Variants in DTNB observed in about 807,000 individuals in gnomAD.
DTNB encodes DTN-B.
In DTNB, 63 loss-of-function variants were observed where a neutral mutation model predicts 90.7. That is an observed-to-expected ratio of 0.69 (90% CI 0.57 to 0.86). The LOEUF (loss-of-function observed/expected upper bound fraction) is 0.86. Among genes scored for constraint, DTNB ranks in the 40% least tolerant of loss-of-function variants. The pLI is 0.00. For missense variants in DTNB, 744 were observed against 807.1 expected, an observed-to-expected ratio of 0.92 and a Z score of 0.95; for synonymous variants, 277 against 286.7, an observed-to-expected ratio of 0.97 and a Z score of 0.34.
At chr2:25,496,709 G>C (rs2068935381) in intron 9 of DTNB, among the ~76,000 whole-genome samples, 1 of 152,138 alleles carries the variant, frequency 6.6e-6, no homozygotes, top group African/African-American at 2.4e-5. Context: ...CAGGCATGGT[G>C]GTGGGTGCCT....
intron 9 of DTNB, 113 bp from the exon 10 acceptor site, chr2:25,482,986 A>G: frequency 9.5e-7 from 1 of 1,049,912 alleles, no homozygotes; most frequent in Non-Finnish European, 1.3e-6. Flanking sequence ...CGGTAAGCAC[A>G]GACGGACCCA....
rs11395783 is a variant in DTNB, at chr2:25,408,538, C to CAAAAA, written c.1575+10972_1575+10976dup. ...TGGACACCAGAGTGAGACTCCATCT[C>CAAAAA]AAAAAAAAAAAAAAAAAAAAAAAAA... is the stretch of plus-strand genomic sequence containing the variant. On this transcript the variant is annotated intron_variant, in intron 16 of 20. Coordinates refer to ENST00000406818, the MANE Select transcript of DTNB (RefSeq NM_021907.5). 5.2e-4 allele frequency among the ~76,000 whole-genome samples: 17 copies of CAAAAA among 32,702 alleles called. 1 individual carries two copies. The highest frequency in any genetic ancestry group is 8.0e-4 in the East Asian group (1 of 1,246). 21.5% of individuals were successfully genotyped at this position (32,702 alleles called of 152,430 possible). A position where few individuals can be genotyped will look rare whatever the true frequency, so the allele number is the denominator to read the frequency against.
chr2:25,638,866 G>A, intron 3 of DTNB, 148 bp downstream of exon 3: 1 of 720,674 alleles, frequency 1.4e-6, no homozygotes, highest in Non-Finnish European at 2.0e-6. Flanking sequence ...AAAATGACAA[G>A]TTCTTCCATT....
intron 1 of DTNB, among the ~76,000 whole-genome samples, chr2:25,671,573 A>T (rs2085919594): frequency 1.3e-5 from 2 of 152,210 alleles, no homozygotes; most frequent in African/African-American, 4.8e-5. Context: ...TAAGGCCCTG[A>T]GAGAGTAACA....
At chr2:25,563,960 CGT>C (rs2058634022) in intron 8 of DTNB, among the ~76,000 whole-genome samples, 4 of 151,954 alleles carry the variant, frequency 2.6e-5, no homozygotes, top group Non-Finnish European at 5.9e-5. Flanking sequence ...TGCAGTGGTG[CGT>C]GCGATCTCAG....
chr2:25,531,725 T>A (rs2078243836), intron 8 of DTNB, 128 bp from the exon 9 acceptor site: 2 of 1,281,540 alleles, frequency 1.6e-6, no homozygotes, highest in South Asian at 1.5e-5. Flanking sequence ...TTTCATTACA[T>A]CAATATCATT....
At position 25,419,335 on chromosome 2, in the gene DTNB, T is replaced by TAAAC; in HGVS notation, c.1575+176_1575+179dup. On this transcript the variant is annotated intron_variant, in intron 16 of 20. Coordinates refer to ENST00000406818, the MANE Select transcript of DTNB (RefSeq NM_021907.5). Reference sequence around the variant, plus strand: ...TTAAGTAAGAACATGCTCTACTGGGTAAACATGCCTTGAACTTTTAGGCCA... The same window carrying TAAAC: ...TTAAGTAAGAACATGCTCTACTGGGTAAACAAACATGCCTTGAACTTTTAGGCCA... 5.7e-6 allele frequency: 5 copies of TAAAC among 880,834 alleles called. No individual in the cohort carries two copies. The South Asian group carries it at 7.3e-5, about 13-fold the overall frequency. The allele number at this position is 880,834 out of a possible 1,614,324, so 54.6% of individuals were successfully genotyped here. A position where few individuals can be genotyped will look rare whatever the true frequency, so the allele number is the denominator to read the frequency against.
chr2:25,550,381 ACT>A (rs2083396205), intron 8 of DTNB, among the ~76,000 whole-genome samples: 2 of 152,172 alleles, frequency 1.3e-5, no homozygotes, highest in East Asian at 1.9e-4. Context: ...AAAGAGCGAG[ACT>A]CTGTCTCAAA....
chr2:25,600,502 T>C (rs2065648241), intron 5 of DTNB, among the ~76,000 whole-genome samples: 1 of 152,248 alleles, frequency 6.6e-6, no homozygotes, highest in Non-Finnish European at 1.5e-5. Context: ...GTACCAACTT[T>C]GAACTTCTCA....
chr2:25,577,536 T>C (rs2060880444), intron 7 of DTNB, among the ~76,000 whole-genome samples: 1 of 148,464 alleles, frequency 6.7e-6, no homozygotes, highest in Non-Finnish European at 1.5e-5. Flanking sequence ...ATTTAATACA[T>C]CAGAAAAAAA....
At chr2:25,672,749 C>T (rs1416531960) in intron 1 of DTNB, 1 of 152,308 alleles carries the variant, frequency 6.6e-6, no homozygotes, top group East Asian at 1.9e-4. Flanking sequence ...CATACTATTT[C>T]GTGGCCCCAG....
chr2:25,455,410 A>G lies in DTNB; in HGVS notation c.1164T>C (p.Cys388=), dbSNP rs774225663. The change falls in exon 11 of 21, where the codon TGT becomes TGC. Residue 388 remains cysteine (C), a synonymous_variant. Coordinates refer to ENST00000406818, the MANE Select transcript of DTNB (RefSeq NM_021907.5). ...IASYVARLQH[C]ARVLDSPSRL... ...GCTGCTGCACCACCACTGACCGTGCACAGTGCTGCAGACGGGCCACATAGG... is the reference window on the plus strand; with the variant it reads ...GCTGCTGCACCACCACTGACCGTGCGCAGTGCTGCAGACGGGCCACATAGG... The G allele has an allele frequency of 3.1e-6, 5 of 1,596,996 alleles. No homozygotes were observed. The highest frequency in any genetic ancestry group is 1.7e-4 in the Middle Eastern group (1 of 6,050).
At chr2:25,528,529 A>G (rs1461378237) in intron 9 of DTNB, among the ~76,000 whole-genome samples, 1 of 152,248 alleles carries the variant, frequency 6.6e-6, no homozygotes, top group Non-Finnish European at 1.5e-5. Flanking sequence ...TAGAAAATTC[A>G]AAAGAATCTG....
intron 1 of DTNB, among the ~76,000 whole-genome samples, chr2:25,658,960 T>G (rs2082608085): frequency 6.6e-6 from 1 of 152,160 alleles, no homozygotes; most frequent in Non-Finnish European, 1.5e-5. Flanking sequence ...CAGGGTCTCA[T>G]TATTGTTGTC....
rs1367020965 is a variant in DTNB at position 25,432,082 on chromosome 2, TCCTAGATGATAGCAAATTAAAAATCAA to T, written c.1457+777_1457+803del. Among the ~76,000 whole-genome samples the T allele has an allele frequency of 2.0e-5, 3 of 152,136 alleles. No homozygotes were observed. In the East Asian group the frequency reaches 5.8e-4, roughly 29 times the overall value. On this transcript the variant is annotated intron_variant, in intron 14 of 20. Transcript: ENST00000406818. Reference sequence around the variant, plus strand: ...AAAAGAAACAAGAGGCTACACAGAATCCTAGATGATAGCAAATTAAAAATCAACCTAAACAGAAAGAATCCACTATTT... The same window carrying T: ...AAAAGAAACAAGAGGCTACACAGAATCCTAAACAGAAAGAATCCACTATTT...
chr2:25,387,449 C>T lies in DTNB; in HGVS notation c.1736-71G>A. 1 of 1,445,636 alleles carries T rather than the reference C, an allele frequency of 6.9e-7. No individual in the cohort carries two copies. Among genetic ancestry groups the T allele is most frequent in the Non-Finnish European group, 9.6e-7 (1 of 1,040,188 alleles). 89.6% of individuals were successfully genotyped at this position (1,445,636 alleles called of 1,614,324 possible). On this transcript the variant is annotated intron_variant, in intron 17 of 20. Transcript: ENST00000406818. The surrounding 1 kb of genome is among the most constrained non-coding windows in gnomAD (Gnocchi z 4.5). ...GGAGAAGAGACGGCTGAGCAAATGCCTCAGTTCTGCCAGGCCCGAGAACAC... is the reference window on the plus strand; with the variant it reads ...GGAGAAGAGACGGCTGAGCAAATGCTTCAGTTCTGCCAGGCCCGAGAACAC...
At chr2:25,644,545 G>A (rs1477374282) in intron 2 of DTNB, among the ~76,000 whole-genome samples, 1 of 152,024 alleles carries the variant, frequency 6.6e-6, no homozygotes, top group Admixed American at 6.5e-5. Flanking sequence ...CACCTGATCA[G>A]GAGTTTGAGA....
At chr2:25,548,901 AATAC>A (rs2083013374) in intron 8 of DTNB, among the ~76,000 whole-genome samples, 1 of 152,200 alleles carries the variant, frequency 6.6e-6, no homozygotes, top group Non-Finnish European at 1.5e-5. Flanking sequence ...CATACACATA[AATAC>A]ATACACCCAC....
At chr2:25,526,393 A>ATTTTTTTTTTTT (rs1417545308) in intron 9 of DTNB, among the ~76,000 whole-genome samples, 2 of 59,454 alleles carry the variant, frequency 3.4e-5, no homozygotes, top group African/African-American at 1.6e-4. Flanking sequence ...ATATATATAT[A>ATTTTTTTTTTTT]TATTTTTTTT....
Sources: gnomAD v4.1 joint callset for allele counts (sites outside exome capture counted in the v4.1 genomes callset) on GRCh38, gnomAD v4.1.1 for gene constraint, Gnocchi (gnomAD v3.1) non-coding constraint, MANE v1.5 for transcripts, NCBI Gene and HGNC (gene_info 2026-07-23, HGNC 2026-07-21) for gene names.